The following SAMTOR variants were observed in gnomAD, a reference collection of about 807,000 sequenced individuals.
SAMTOR encodes the protein S-adenosylmethionine sensor upstream of mTORC1.
chr7:112,859,692 AAAAAAGTTT>A, the SAMTOR span, among the ~76,000 whole-genome samples: 7 of 152,184 alleles, frequency 4.6e-5, no homozygotes, highest in African/African-American at 1.7e-4. Flanking sequence ...AGCTTTTACC[AAAAAAGTTT>A]AAAAAGTAAA....
chr7:112,829,302 T>C, the SAMTOR span, among the ~76,000 whole-genome samples: 19 of 152,330 alleles, frequency 1.2e-4, no homozygotes, highest in African/African-American at 3.6e-4. Flanking sequence ...CTTTAGAAGA[T>C]AGATTTGGGT....
At chr7:112,877,057 G>GT in the SAMTOR span, among the ~76,000 whole-genome samples, 1 of 152,184 alleles carries the variant, frequency 6.6e-6, no homozygotes, top group Non-Finnish European at 1.5e-5. Context: ...ACTGGACTAT[G>GT]AGATCACTGT....
the SAMTOR span, among the ~76,000 whole-genome samples, chr7:112,893,140 A>G: frequency 2.6e-5 from 4 of 152,218 alleles, no homozygotes; most frequent in African/African-American, 4.8e-5. Context: ...TAAAGTCACC[A>G]GCTGCATTAG....
chr7:112,895,334 ATTCT>A, the SAMTOR span, among the ~76,000 whole-genome samples: 3 of 152,006 alleles, frequency 2.0e-5, no homozygotes, highest in African/African-American at 4.8e-5. Flanking sequence ...TTAATGAACC[ATTCT>A]TTCTCATTTT....
chr7:112,833,034 C>CCAAAGTA, the SAMTOR span, among the ~76,000 whole-genome samples: 1 of 152,198 alleles, frequency 6.6e-6, no homozygotes, highest in Non-Finnish European at 1.5e-5. Context: ...GCCTCAGCTC[C>CCAAAGTA]CAAAGTATTG....
the SAMTOR span, among the ~76,000 whole-genome samples, chr7:112,916,419 T>C: frequency 6.6e-6 from 1 of 152,234 alleles, no homozygotes; most frequent in Admixed American, 6.5e-5. Context: ...GGCCATTAAT[T>C]GGGGACAGAA....
chr7:112,907,273 G>C, the SAMTOR span, among the ~76,000 whole-genome samples: 4 of 151,998 alleles, frequency 2.6e-5, no homozygotes, highest in Non-Finnish European at 4.4e-5. Flanking sequence ...TGGGGAAATG[G>C]ATAACTTTGG....
At chr7:112,935,339 T>G in the SAMTOR span, 1 of 346,412 alleles carries the variant, frequency 2.9e-6, no homozygotes, top group South Asian at 2.2e-5. Flanking sequence ...CAAAACTTTG[T>G]TTCTGGAAAA....
the SAMTOR span, among the ~76,000 whole-genome samples, chr7:112,923,191 C>A: frequency 0.011 from 1,604 of 152,226 alleles, 28 homozygotes; most frequent in African/African-American, 0.036. Flanking sequence ...TAACCCTGTG[C>A]TCTCTGAAAC....
chr7:112,827,226 A>T, the SAMTOR span, among the ~76,000 whole-genome samples: 1 of 152,152 alleles, frequency 6.6e-6, no homozygotes, highest in Non-Finnish European at 1.5e-5. Context: ...TTTTCCCCCA[A>T]TCTGCCAGTC....
At chr7:112,935,290 CA>C in the SAMTOR span, 32 of 406,646 alleles carry the variant, frequency 7.9e-5, no homozygotes, top group African/African-American at 6.1e-4. Context: ...AAGAAAAGTT[CA>C]ATTAAAAGGA....
the SAMTOR span, among the ~76,000 whole-genome samples, chr7:112,869,763 G>C: frequency 9.2e-5 from 14 of 152,238 alleles, no homozygotes; most frequent in African/African-American, 3.1e-4. Flanking sequence ...TCAGAATATG[G>C]ATGGCAAGAA....
chr7:112,829,768 A>G, the SAMTOR span, among the ~76,000 whole-genome samples: 4 of 152,302 alleles, frequency 2.6e-5, no homozygotes, highest in South Asian at 8.3e-4. Context: ...ATTATTCTCC[A>G]TTATTGAGGT....
chr7:112,863,689 CTTATCATTAGAGAAA>C, the SAMTOR span, among the ~76,000 whole-genome samples: 9 of 152,192 alleles, frequency 5.9e-5, no homozygotes, highest in Admixed American at 5.2e-4. Context: ...CTTGATATCA[CTTATCATTAGAGAAA>C]TGCAAATGAA....
chr7:112,921,994 C>A, the SAMTOR span, among the ~76,000 whole-genome samples: 3 of 151,766 alleles, frequency 2.0e-5, no homozygotes, highest in Non-Finnish European at 4.4e-5. Flanking sequence ...CACGGTCTCC[C>A]TCTGATGCCG....
chr7:112,874,298 T>A, the SAMTOR span, among the ~76,000 whole-genome samples: 2 of 152,076 alleles, frequency 1.3e-5, no homozygotes, highest in African/African-American at 2.4e-5. Flanking sequence ...AACCTAGGTG[T>A]CCATCAATAG....
At chr7:112,934,264 C>T in the SAMTOR span, among the ~76,000 whole-genome samples, 1 of 152,132 alleles carries the variant, frequency 6.6e-6, no homozygotes, top group Non-Finnish European at 1.5e-5. Context: ...TATTACAACC[C>T]CACTGTGCAG....
the SAMTOR span, among the ~76,000 whole-genome samples, chr7:112,834,523 A>G: frequency 4.6e-5 from 7 of 152,168 alleles, no homozygotes; most frequent in African/African-American, 1.2e-4. Context: ...AATGCTCAAC[A>G]GAAAATTCCA....
At chr7:112,851,212 T>C in the SAMTOR span, among the ~76,000 whole-genome samples, 39 of 152,294 alleles carry the variant, frequency 2.6e-4, no homozygotes, top group African/African-American at 9.1e-4. Flanking sequence ...AAAATTCATA[T>C]GGAACCCAAA....
Sources: gnomAD v4.1 joint callset for allele counts (sites outside exome capture counted in the v4.1 genomes callset) on GRCh38, gnomAD v4.1.1 for gene constraint, MANE v1.5 for transcripts, NCBI Gene and HGNC (gene_info 2026-07-23, HGNC 2026-07-21) for gene names.